INTS9: variants seen among roughly 807,000 people sequenced by gnomAD.
INTS9 encodes protein related to CPSF subunits of 74 kDa.
Under a neutral mutation model 79.7 loss-of-function variants are expected in INTS9, and 55 were observed. That is an observed-to-expected ratio of 0.69 (90% CI 0.56 to 0.86). The LOEUF (loss-of-function observed/expected upper bound fraction) is 0.86. Among genes scored for constraint, INTS9 ranks in the 40% least tolerant of loss-of-function variants. INTS9 has a pLI of 0.00. For missense variants in INTS9, 721 were observed against 831.5 expected, an observed-to-expected ratio of 0.87 and a Z score of 1.64; for synonymous variants, 319 against 325.2, an observed-to-expected ratio of 0.98 and a Z score of 0.20.
intron 11 of INTS9, among the ~76,000 whole-genome samples, chr8:28,783,042 G>A (rs922705918): frequency 2.0e-5 from 3 of 151,704 alleles, no homozygotes; most frequent in Non-Finnish European, 4.4e-5. Context: ...TTACTCGGGA[G>A]GCTGAGGCAG....
At chr8:28,809,316 A>T (rs1483109142) in intron 8 of INTS9, among the ~76,000 whole-genome samples, 1 of 152,142 alleles carries the variant, frequency 6.6e-6, no homozygotes, top group Non-Finnish European at 1.5e-5. Context: ...CTGTACTTCA[A>T]CAAAATATTA....
intron 2 of INTS9, among the ~76,000 whole-genome samples, 156 bp from the exon 3 acceptor site, chr8:28,850,429 AT>A: frequency 6.6e-6 from 1 of 150,540 alleles, no homozygotes; most frequent in South Asian, 2.1e-4. Context: ...AGAAATAACC[AT>A]GTTGTATCAA....
intron 6 of INTS9, among the ~76,000 whole-genome samples, chr8:28,816,249 C>A (rs1369977564): frequency 1.3e-5 from 2 of 150,942 alleles, no homozygotes; most frequent in African/African-American, 4.9e-5. Flanking sequence ...GTGTGCTGCA[C>A]CCATTAACTC....
intron 1 of INTS9, among the ~76,000 whole-genome samples, chr8:28,871,305 C>A (rs1809081110): frequency 6.6e-6 from 1 of 152,142 alleles, no homozygotes; most frequent in South Asian, 2.1e-4. Flanking sequence ...TTCAGTTTAC[C>A]TTGGTCCATG....
At chr8:28,847,313 C>G (rs1807575427) in intron 3 of INTS9, among the ~76,000 whole-genome samples, 1 of 152,132 alleles carries the variant, frequency 6.6e-6, no homozygotes, top group Admixed American at 6.5e-5. Flanking sequence ...TGTTTAGAAG[C>G]TTTTTCTTCA....
intron 16 of INTS9, among the ~76,000 whole-genome samples, chr8:28,769,397 T>C (rs1802394772): frequency 6.6e-6 from 1 of 152,366 alleles, no homozygotes; most frequent in East Asian, 1.9e-4. Context: ...TAGATTTTTT[T>C]CTTTTAATCA....
At chr8:28,809,513 A>C (rs962295752) in intron 8 of INTS9, among the ~76,000 whole-genome samples, 1 of 152,230 alleles carries the variant, frequency 6.6e-6, no homozygotes, top group African/African-American at 2.4e-5. Context: ...GTTGCCAGCT[A>C]AAAATTAAAA....
Position 28,787,904 on chromosome 8 carries a change from A to C in INTS9, c.1038-15T>G, listed in dbSNP as rs768842925. On this transcript the variant is annotated splice_polypyrimidine_tract_variant and intron_variant, in intron 10 of 16. Transcript: ENST00000521022. ...TGTGACAAAGCCTATTAAAGAGGAA[A>C]AACACATCAGCATGTGAGGAAGAGC... 8 of 1,582,698 alleles carry C rather than the reference A, an allele frequency of 5.1e-6. No homozygotes were observed. Among genetic ancestry groups the C allele is most frequent in the Admixed American group, 1.7e-5 (1 of 59,570 alleles).
chr8:28,836,255 T>C (rs921399242), intron 5 of INTS9, among the ~76,000 whole-genome samples: 1 of 152,082 alleles, frequency 6.6e-6, no homozygotes, highest in African/African-American at 2.4e-5. Flanking sequence ...TGAGACGGAG[T>C]ACCACAGAAC....
chr8:28,785,038 G>C (rs1255201628), intron 11 of INTS9, among the ~76,000 whole-genome samples: 2 of 152,140 alleles, frequency 1.3e-5, no homozygotes, highest in African/African-American at 4.8e-5. Flanking sequence ...TTATTTTGTT[G>C]AGCATCCTCG....
At chr8:28,853,673 G>A (rs1468451585) in intron 2 of INTS9, among the ~76,000 whole-genome samples, 1 of 152,100 alleles carries the variant, frequency 6.6e-6, no homozygotes, top group South Asian at 2.1e-4. Flanking sequence ...TGTTTATACA[G>A]TCGAACTTTG....
rs969355255 is a variant in INTS9, at chr8:28,810,563, C to T, written c.744+1764G>A. ...TTGAGATTACAGTGAGCTATGACTA[C>T]ACCACTGTACTCCAGTCCGGGTGAC... On this transcript the variant is annotated intron_variant, in intron 8 of 16. Coordinates refer to ENST00000521022, the MANE Select transcript of INTS9 (RefSeq NM_018250.4). 3 of 152,184 alleles carry T rather than the reference C, an allele frequency of 2.0e-5. 1 individual carries two copies. Among genetic ancestry groups the T allele is most frequent in the African/African-American group, 7.2e-5 (3 of 41,416 alleles). 9.4% of individuals were successfully genotyped at this position (152,184 alleles called of 1,614,324 possible). A position where few individuals can be genotyped will look rare whatever the true frequency, so the allele number is the denominator to read the frequency against.
chr8:28,811,419 C>T (rs905918494), intron 8 of INTS9, among the ~76,000 whole-genome samples: 13 of 146,220 alleles, frequency 8.9e-5, no homozygotes, highest in African/African-American at 2.6e-4. Context: ...CCACCATACC[C>T]GGCCTTTTTT....
chr8:28,768,864 C>T (rs888039486), intron 16 of INTS9, among the ~76,000 whole-genome samples: 2 of 152,190 alleles, frequency 1.3e-5, no homozygotes, highest in Non-Finnish European at 1.5e-5. Context: ...TGAAGGGCCT[C>T]GGTGTGGGGA....
chr8:28,837,880 T>C, intron 4 of INTS9, 104 bp from the exon 5 acceptor site: 2 of 1,097,916 alleles, frequency 1.8e-6, no homozygotes, highest in Non-Finnish European at 1.3e-6. Flanking sequence ...GTTTTTGTAT[T>C]GCAGAATAAT....
chr8:28,833,115 C>G (rs1806596128), intron 6 of INTS9, among the ~76,000 whole-genome samples: 2 of 152,164 alleles, frequency 1.3e-5, no homozygotes, highest in African/African-American at 4.8e-5. Context: ...GAGACTCATG[C>G]TCAAGCTCCG....
At chr8:28,772,510 C>T (rs938644378) in intron 14 of INTS9, among the ~76,000 whole-genome samples, 2 of 151,888 alleles carry the variant, frequency 1.3e-5, no homozygotes, top group African/African-American at 4.8e-5. Context: ...AAGACTCCGT[C>T]TCAAAAAAAG....
intron 6 of INTS9, among the ~76,000 whole-genome samples, chr8:28,834,634 T>C (rs892147695): frequency 2.0e-5 from 3 of 152,002 alleles, no homozygotes; most frequent in Admixed American, 2.0e-4. Context: ...TAAGCAGAGT[T>C]CTTCAGTTTC....
In INTS9 at chr8:28,769,940, A is replaced by T. The variant is rs1038477827; in HGVS notation, c.1749T>A (p.Pro583=). Residue 583 remains proline, a synonymous_variant, in exon 16 of 17, where the codon CCT becomes CCA. Coordinates refer to ENST00000521022, the MANE Select transcript of INTS9 (RefSeq NM_018250.4). ...DDVPDCKVLK[P]LLSGSIPVEQ... ...CCACAGGGATGGAACCGCTCAACAA[A>T]GGCTTCAGGACTTTGCAGTCTGGTA... The T allele has an allele frequency of 2.5e-6, 4 of 1,614,034 alleles. No individual in the cohort carries two copies. Among genetic ancestry groups the T allele is most frequent in the Non-Finnish European group, 2.5e-6 (3 of 1,180,020 alleles).
Sources: gnomAD v4.1 joint callset for allele counts (sites outside exome capture counted in the v4.1 genomes callset) on GRCh38, gnomAD v4.1.1 for gene constraint, MANE v1.5 for transcripts, NCBI Gene and HGNC (gene_info 2026-07-23, HGNC 2026-07-21) for gene names.